CD109: variants seen among roughly 807,000 people sequenced by gnomAD.
The protein encoded by CD109 is CD109 molecule.
In CD109, 149 loss-of-function variants were observed where a neutral mutation model predicts 165.8. The observed-to-expected ratio is 0.90, with a 90% confidence interval of 0.79 to 1.03. The LOEUF is 1.03. CD109 is among the 50% of genes least tolerant of loss of function. The pLI, the probability that CD109 is intolerant of heterozygous loss-of-function variation, is 0.00. For missense variants in CD109, 1,712 were observed against 1,677.8 expected, an observed-to-expected ratio of 1.02 and a Z score of -0.36; for synonymous variants, 585 against 592.1, an observed-to-expected ratio of 0.99 and a Z score of 0.18.
intron 24 of CD109, among the ~76,000 whole-genome samples, chr6:73,806,550 G>A (rs1407679864): frequency 6.6e-6 from 1 of 152,064 alleles, no homozygotes; most frequent in Non-Finnish European, 1.5e-5. Flanking sequence ...ATTAAAAAAT[G>A]GAGCTGGATT....
At chr6:73,817,818 C>T (rs1775990124) in intron 30 of CD109, among the ~76,000 whole-genome samples, 1 of 152,138 alleles carries the variant, frequency 6.6e-6, no homozygotes, top group Non-Finnish European at 1.5e-5. Flanking sequence ...TTGTAATTCC[C>T]TCACGGTGGC....
chr6:73,697,490 G>A lies in CD109; in HGVS notation c.165G>A (p.Gln55=), dbSNP rs1770893425. The A allele has an allele frequency of 6.2e-7, 1 of 1,614,012 alleles. No individual in the cohort carries two copies. Among genetic ancestry groups the A allele is most frequent in the Non-Finnish European group, 8.5e-7 (1 of 1,179,996 alleles). Residue 55 remains glutamine (Q), a synonymous_variant, in exon 2 of 33, where the codon CAG becomes CAA. Coordinates refer to ENST00000287097, the MANE Select transcript of CD109 (RefSeq NM_133493.5). ...GVELLEHCPS[Q]VTVKAELLKT... ...AGCTTCTGGAACACTGCCCTTCACA[G>A]GTGACTGTGAAGGCGGAGCTGCTCA... is the stretch of plus-strand genomic sequence containing the variant.
chr6:73,729,240 G>C (rs1772253469), intron 3 of CD109, among the ~76,000 whole-genome samples: 1 of 152,130 alleles, frequency 6.6e-6, no homozygotes, highest in Non-Finnish European at 1.5e-5. Context: ...TCTAGGATTT[G>C]GAAGGAAATC....
rs143771671 is a variant in CD109 at position 73,729,829 on chromosome 6, A to C, written c.277-515A>C. Among the ~76,000 whole-genome samples the C allele has an allele frequency of 6.9e-3, 1,051 of 152,096 alleles. 16 individuals carry two copies. The highest frequency in any genetic ancestry group is 0.024 in the African/African-American group (1,001 of 41,480). On this transcript the variant is annotated intron_variant, in intron 3 of 32. Coordinates refer to ENST00000287097, the MANE Select transcript of CD109 (RefSeq NM_133493.5). ...GTGCCTGGGAAGGATTTCTGTTATTAATAGTAGTAGTAGAAGTAGCAGCAT... is the reference window on the plus strand; with the variant it reads ...GTGCCTGGGAAGGATTTCTGTTATTCATAGTAGTAGTAGAAGTAGCAGCAT...
intron 23 of CD109, among the ~76,000 whole-genome samples, chr6:73,800,506 C>T (rs543689251): frequency 8.0e-4 from 122 of 152,270 alleles, no homozygotes; most frequent in Non-Finnish European, 6.6e-4. Flanking sequence ...AGACATTCCC[C>T]TACATGGTAG....
At chr6:73,712,999 G>A (rs4708076) in intron 2 of CD109, among the ~76,000 whole-genome samples, 125,335 of 152,118 alleles carry the variant, frequency 0.82, 52,453 homozygotes, top group Non-Finnish European at 0.91. Flanking sequence ...GTTCACAACA[G>A]TTTGCAAATA....
chr6:73,697,075 C>G (rs1383633626), intron 1 of CD109, among the ~76,000 whole-genome samples: 2 of 152,198 alleles, frequency 1.3e-5, no homozygotes, highest in African/African-American at 4.8e-5. Flanking sequence ...TTTGCTTTGC[C>G]AATAACTCCA....
chr6:73,782,899 T>C (rs1022316713), intron 18 of CD109, 144 bp downstream of exon 18: 1 of 652,124 alleles, frequency 1.5e-6, no homozygotes, highest in Non-Finnish European at 2.4e-6. Flanking sequence ...GGAAATGATA[T>C]TTATTGAATC....
intron 2 of CD109, among the ~76,000 whole-genome samples, chr6:73,705,483 T>A (rs528509752): frequency 5.9e-5 from 9 of 151,454 alleles, no homozygotes; most frequent in African/African-American, 2.2e-4. Context: ...CTACTAAAAA[T>A]AAAAAAAAGG....
At chr6:73,807,737 G>A (rs759732994) in intron 25 of CD109, among the ~76,000 whole-genome samples, 2 of 152,118 alleles carry the variant, frequency 1.3e-5, no homozygotes, top group African/African-American at 2.4e-5. Context: ...ACTTAGGGCC[G>A]CACTACCAGA....
chr6:73,716,880 A>G (rs1325040577), intron 2 of CD109, among the ~76,000 whole-genome samples: 3 of 152,190 alleles, frequency 2.0e-5, no homozygotes, highest in Non-Finnish European at 2.9e-5. Context: ...GAGTCCCTCC[A>G]AAGTTTTCTT....
intron 15 of CD109, among the ~76,000 whole-genome samples, chr6:73,774,730 T>A (rs531395714): frequency 1.3e-5 from 2 of 152,328 alleles, no homozygotes; most frequent in Non-Finnish European, 2.9e-5. Flanking sequence ...TCCTCCAGCC[T>A]GTTTTCTGAC....
intron 7 of CD109, 81 bp from the exon 8 acceptor site, chr6:73,762,303 A>G (rs1773666666): frequency 2.2e-6 from 2 of 893,680 alleles, no homozygotes; most frequent in South Asian, 1.5e-5. Flanking sequence ...TTGCTAATGT[A>G]TGCTATTGAA....
chr6:73,711,383 TA>T (rs1303811564), intron 2 of CD109, among the ~76,000 whole-genome samples: 1 of 152,142 alleles, frequency 6.6e-6, no homozygotes, highest in Non-Finnish European at 1.5e-5. Flanking sequence ...AAGGAGTATG[TA>T]AGGGACCAAA....
intron 31 of CD109, among the ~76,000 whole-genome samples, chr6:73,820,001 G>A (rs575055497): frequency 6.6e-6 from 1 of 152,310 alleles, no homozygotes; most frequent in African/African-American, 2.4e-5. Context: ...CTTGGAGACA[G>A]ATAGGCTGGC....
At chr6:73,807,758 A>G (rs1775620981) in intron 25 of CD109, among the ~76,000 whole-genome samples, 1 of 152,216 alleles carries the variant, frequency 6.6e-6, no homozygotes, top group African/African-American at 2.4e-5. Flanking sequence ...GATCAAATAT[A>G]AGAAATATAT....
rs371593426 is a variant in CD109, at chr6:73,764,831, A to C, written c.1108-1099A>C. ...AACTCCATTTCAAAAAAAAAAAAAA[A>C]AACAACTAAAACGACAAAGAAAGAA... On this transcript the variant is annotated intron_variant, in intron 10 of 32. Coordinates refer to ENST00000287097, the MANE Select transcript of CD109 (RefSeq NM_133493.5). Among the ~76,000 whole-genome samples the C allele has an allele frequency of 1.8e-4, 28 of 151,930 alleles. No individual in the cohort carries two copies. In the East Asian group the frequency reaches 2.7e-3, roughly 15 times the overall value.
At chr6:73,738,803 G>A (rs2150190482) in intron 5 of CD109, among the ~76,000 whole-genome samples, 1 of 152,314 alleles carries the variant, frequency 6.6e-6, no homozygotes, top group African/African-American at 2.4e-5. Flanking sequence ...TCACCGATCT[G>A]TCTCATTCTA....
rs1260900181 is a variant in CD109 at position 73,762,805 on chromosome 6, A to G, written c.920A>G (p.Asn307Ser). The G allele has an allele frequency of 2.5e-6, 4 of 1,611,212 alleles. No individual in the cohort carries two copies. The highest frequency in any genetic ancestry group is 1.3e-5 in the African/African-American group (1 of 74,872). ...EEMKNVMDSS[N>S]GLSEYLDLSS... ...ATGAAAAATGTAATGGATTCTTCAA[A>G]TGGACTTTCTGAATACCTGGATCTA... Residue 307 changes from asparagine to serine, a missense_variant, in exon 9 of 33, where the codon AAT (asparagine) becomes AGT (serine). Physicochemically the swap from Asn to Ser is conservative, Grantham distance 46. Coordinates refer to ENST00000287097, the MANE Select transcript of CD109 (RefSeq NM_133493.5).
Sources: gnomAD v4.1 joint callset for allele counts (sites outside exome capture counted in the v4.1 genomes callset) on GRCh38, gnomAD v4.1.1 for gene constraint, MANE v1.5 for transcripts, NCBI Gene and HGNC (gene_info 2026-07-23, HGNC 2026-07-21) for gene names.